EDIL3: variants seen among roughly 807,000 people sequenced by gnomAD.
EDIL3 encodes EGF like and discoidin domains 3.
EDIL3 carries 37 observed loss-of-function variants against 67.4 expected under a neutral mutation model. That is an observed-to-expected ratio of 0.55 (90% CI 0.42 to 0.72). The LOEUF (loss-of-function observed/expected upper bound fraction) is 0.72, where lower values mean the gene tolerates loss of function less well. EDIL3 is among the 30% of genes least tolerant of loss of function. EDIL3 has a pLI of 0.00. For missense variants in EDIL3, 527 were observed against 586.3 expected (o/e 0.90, Z 1.04); for synonymous variants, 195 against 196.3 (o/e 0.99, Z 0.05).
At chr5:84,312,262 C>CA in intron 1 of EDIL3, among the ~76,000 whole-genome samples, 1 of 144,334 alleles carries the variant, frequency 6.9e-6, no homozygotes. Context: ...CCCTCCCGGA[C>CA]GGGGCAGCTG....
chr5:84,010,872 T>C (rs942136285), intron 9 of EDIL3, among the ~76,000 whole-genome samples: 2 of 151,948 alleles, frequency 1.3e-5, no homozygotes, highest in African/African-American at 4.8e-5. Context: ...AGCTGAAGAG[T>C]GCTTCTGGAA....
At chr5:84,184,841 G>A (rs1057425483) in intron 3 of EDIL3, among the ~76,000 whole-genome samples, 5 of 152,176 alleles carry the variant, frequency 3.3e-5, no homozygotes, top group East Asian at 1.9e-4. Context: ...TTATTTACAC[G>A]CCAAAAGACA....
At chr5:84,001,978 A>T (rs1215551329) in intron 9 of EDIL3, among the ~76,000 whole-genome samples, 1 of 152,038 alleles carries the variant, frequency 6.6e-6, no homozygotes, top group East Asian at 1.9e-4. Flanking sequence ...AGAAAGAAAA[A>T]GAAAGAAAGA....
chr5:83,969,670 C>G (rs1346432535), intron 9 of EDIL3, among the ~76,000 whole-genome samples: 2 of 151,786 alleles, frequency 1.3e-5, no homozygotes, highest in South Asian at 4.1e-4. Context: ...CATTTATCTT[C>G]AGGAAAATTA....
intron 3 of EDIL3, among the ~76,000 whole-genome samples, chr5:84,201,124 AT>A (rs1187863407): frequency 2.0e-5 from 3 of 152,074 alleles, no homozygotes; most frequent in African/African-American, 7.2e-5. Context: ...TCACAAATAT[AT>A]GCCACTTGAG....
chr5:84,017,660 A>G (rs1047470836), intron 9 of EDIL3, among the ~76,000 whole-genome samples: 1 of 152,196 alleles, frequency 6.6e-6, no homozygotes, highest in Non-Finnish European at 1.5e-5. Context: ...GGAAATGTAT[A>G]ATGAAACATG....
At chr5:83,963,862 C>G (rs889731880) in intron 9 of EDIL3, among the ~76,000 whole-genome samples, 16 of 151,768 alleles carry the variant, frequency 1.1e-4, no homozygotes, top group Middle Eastern at 3.4e-3. Flanking sequence ...ATTAGTCAAT[C>G]CTGTTTCCAT....
chr5:84,008,411 A>G lies in EDIL3; in HGVS notation c.1138-45051T>C, dbSNP rs150619286. On this transcript the variant is annotated intron_variant, in intron 9 of 10. Transcript: ENST00000296591. ...AATACCTCACATATATCTCATATAC[A>G]CACCTACTATGTACCCACAAAAATG... Among the ~76,000 whole-genome samples, 81 of 152,208 alleles carry G rather than the reference A, an allele frequency of 5.3e-4. No individual in the cohort carries two copies. The East Asian group carries it at 0.011, about 20-fold the overall frequency.
intron 1 of EDIL3, among the ~76,000 whole-genome samples, chr5:84,383,675 T>C (rs1580116010): frequency 6.6e-6 from 1 of 151,582 alleles, no homozygotes; most frequent in African/African-American, 2.4e-5. Context: ...GAGAGGCGGG[T>C]TCCTGGGGTT....
chr5:83,997,393 A>C (rs890280697), intron 9 of EDIL3, among the ~76,000 whole-genome samples: 4 of 152,174 alleles, frequency 2.6e-5, no homozygotes, highest in East Asian at 1.9e-4. Flanking sequence ...AAATTTGAGA[A>C]GACTTGGTGA....
intron 6 of EDIL3, among the ~76,000 whole-genome samples, chr5:84,095,005 T>C (rs1343189205): frequency 1.3e-5 from 2 of 152,220 alleles, no homozygotes; most frequent in Non-Finnish European, 2.9e-5. Context: ...TTTTCTTCAC[T>C]GTTCTTTCCT....
chr5:84,033,257 T>C (rs1214476599), intron 9 of EDIL3, among the ~76,000 whole-genome samples: 1 of 152,210 alleles, frequency 6.6e-6, no homozygotes, highest in Non-Finnish European at 1.5e-5. Flanking sequence ...CTTGATTATT[T>C]CCTGATCAAG....
intron 1 of EDIL3, among the ~76,000 whole-genome samples, chr5:84,378,144 C>T (rs924950705): frequency 9.9e-5 from 15 of 152,098 alleles, no homozygotes; most frequent in Non-Finnish European, 1.9e-4. Flanking sequence ...TTTGACACAA[C>T]GGGAAAAGTC....
Position 84,020,945 on chromosome 5 carries a change from G to A in EDIL3, c.1137+39355C>T, listed in dbSNP as rs1745704038. Among the ~76,000 whole-genome samples the A allele has an allele frequency of 4.6e-5, 7 of 151,970 alleles. No homozygotes were observed. The South Asian group carries it at 1.5e-3, about 32-fold the overall frequency. ...TTTCAAAAGAAGTAAAAGTAAGTCA[G>A]AGAGAGAGTTTCTACTTTTAGTTAG... On this transcript the variant is annotated intron_variant, in intron 9 of 10. Transcript: ENST00000296591.
intron 10 of EDIL3, among the ~76,000 whole-genome samples, chr5:83,959,908 T>C (rs187422049): frequency 1.2e-4 from 18 of 151,156 alleles, no homozygotes; most frequent in African/African-American, 4.3e-4. Context: ...GACTACATTT[T>C]CAAGTGTTTA....
At chr5:84,151,248 TACACACACACGCACATACAC>T (rs1273928335) in intron 4 of EDIL3, among the ~76,000 whole-genome samples, 2,483 of 145,912 alleles carry the variant, frequency 0.017, 72 homozygotes, top group African/African-American at 0.061. Context: ...AAGAACTGCA[TACACACACACGCACATACAC>T]ACACACACAC....
intron 8 of EDIL3, among the ~76,000 whole-genome samples, chr5:84,063,105 T>C (rs1158647307): frequency 6.6e-6 from 1 of 152,094 alleles, no homozygotes; most frequent in East Asian, 1.9e-4. Flanking sequence ...CTTGTCAAAC[T>C]TGGGAGTAAA....
intron 9 of EDIL3, among the ~76,000 whole-genome samples, chr5:84,038,874 A>T (rs1383551004): frequency 6.6e-6 from 1 of 152,212 alleles, no homozygotes; most frequent in East Asian, 1.9e-4. Context: ...TTTCTATGTT[A>T]ATGCTAAGAA....
chr5:84,001,497 A>G (rs373931966), intron 9 of EDIL3, among the ~76,000 whole-genome samples: 2 of 152,158 alleles, frequency 1.3e-5, no homozygotes, highest in East Asian at 1.9e-4. Flanking sequence ...CAATGAAACA[A>G]AAAGCTGGTG....
Sources: allele counts gnomAD v4.1 joint callset (sites outside exome capture counted in the v4.1 genomes callset), GRCh38; gene constraint gnomAD v4.1.1; transcripts MANE v1.5; gene names NCBI Gene and HGNC (gene_info 2026-07-23, HGNC 2026-07-21).